Variants in CNTNAP2 observed in about 807,000 individuals in gnomAD.
The protein encoded by CNTNAP2 is contactin-associated protein-like 2.
In CNTNAP2, 98 loss-of-function variants were observed where a neutral mutation model predicts 155.2. That is an observed-to-expected ratio of 0.63 (90% confidence interval 0.54 to 0.75). The LOEUF is 0.75. Ranked by LOEUF, CNTNAP2 falls within the 30% of genes least tolerant of loss-of-function variation. The pLI is 0.00. For missense variants in CNTNAP2, 1,727 were observed against 1,688.1 expected (o/e 1.02, Z -0.40); for synonymous variants, 651 against 631.2 (o/e 1.03, Z -0.47).
At chr7:146,177,849 A>C (rs1026359138) in intron 1 of CNTNAP2, among the ~76,000 whole-genome samples, 6 of 151,984 alleles carry the variant, frequency 3.9e-5, no homozygotes, top group African/African-American at 1.5e-4. Context: ...CTACATAGAG[A>C]GTTCTTATTG....
intron 10 of CNTNAP2, among the ~76,000 whole-genome samples, chr7:147,399,766 T>A (rs1242182573): frequency 6.6e-6 from 1 of 152,172 alleles, no homozygotes; most frequent in Non-Finnish European, 1.5e-5. Context: ...CAGAATCCCT[T>A]TTGTTTAACT....
chr7:146,354,561 C>T (rs1363494148), intron 1 of CNTNAP2, among the ~76,000 whole-genome samples: 1 of 151,910 alleles, frequency 6.6e-6, no homozygotes. Context: ...ATTACAGGCA[C>T]CTGCCACCAC....
At chr7:146,641,952 G>A (rs921853394) in intron 1 of CNTNAP2, among the ~76,000 whole-genome samples, 3 of 152,082 alleles carry the variant, frequency 2.0e-5, no homozygotes, top group South Asian at 2.1e-4. Flanking sequence ...TTTAAAATTA[G>A]CACTAGTTTG....
chr7:146,172,228 G>T (rs1278209664), intron 1 of CNTNAP2, among the ~76,000 whole-genome samples: 1 of 151,884 alleles, frequency 6.6e-6, no homozygotes, highest in Non-Finnish European at 1.5e-5. Flanking sequence ...GCTGGGATAG[G>T]ATGCCTCCCA....
intron 14 of CNTNAP2, among the ~76,000 whole-genome samples, chr7:147,943,021 A>T (rs1454656001): frequency 6.6e-6 from 1 of 151,766 alleles, no homozygotes; most frequent in African/African-American, 2.4e-5. Flanking sequence ...TGGGCGACAA[A>T]GCGAGACTCC....
chr7:146,836,895 CT>C lies in CNTNAP2; in HGVS notation c.209-2807del, dbSNP rs202139954. 7.3e-4 allele frequency among the ~76,000 whole-genome samples: 110 copies of C among 150,822 alleles called. No individual in the cohort carries two copies. In the Middle Eastern group the frequency reaches 0.017, roughly 23 times the overall value. On this transcript the variant is annotated intron_variant, in intron 2 of 23. Transcript: ENST00000361727. ...TGGACATAGAATTTCAGGTTGCCAG[CT>C]TTTTTTTTATCTTTCCTTTTCATCA...
chr7:147,872,051 G>A (rs115369676), intron 13 of CNTNAP2, among the ~76,000 whole-genome samples: 1 of 152,186 alleles, frequency 6.6e-6, no homozygotes, highest in Non-Finnish European at 1.5e-5. Flanking sequence ...GCCAGAAAGA[G>A]AATCTACTCC....
intron 1 of CNTNAP2, among the ~76,000 whole-genome samples, chr7:146,545,444 A>G (rs571553578): frequency 6.6e-6 from 1 of 151,922 alleles, no homozygotes; most frequent in South Asian, 2.1e-4. Context: ...TGCACCCATC[A>G]ACCCATCATC....
chr7:148,398,722 T>C (rs1799519802), intron 22 of CNTNAP2, among the ~76,000 whole-genome samples: 1 of 152,190 alleles, frequency 6.6e-6, no homozygotes, highest in Non-Finnish European at 1.5e-5. Flanking sequence ...CCATACATCA[T>C]GGAAGTCCAA....
chr7:146,686,531 C>A (rs1800603897), intron 1 of CNTNAP2, among the ~76,000 whole-genome samples: 1 of 152,116 alleles, frequency 6.6e-6, no homozygotes, highest in African/African-American at 2.4e-5. Context: ...CTCCTAGGGA[C>A]TGTATTCTAC....
chr7:146,161,779 AACCAAAACAGCATGGTACTGGT>A (rs1798226425), intron 1 of CNTNAP2, among the ~76,000 whole-genome samples: 1 of 152,208 alleles, frequency 6.6e-6, no homozygotes, highest in African/African-American at 2.4e-5. Flanking sequence ...AGGCTACAGT[AACCAAAACAGCATGGTACTGGT>A]ACCAAAACAG....
chr7:146,478,668 C>T (rs1231441275), intron 1 of CNTNAP2, among the ~76,000 whole-genome samples: 1 of 151,816 alleles, frequency 6.6e-6, no homozygotes, highest in African/African-American at 2.4e-5. Context: ...CCCCTCCCCT[C>T]TTCCCCTCTA....
intron 3 of CNTNAP2, among the ~76,000 whole-genome samples, chr7:146,855,135 A>G (rs896315558): frequency 3.3e-5 from 5 of 152,180 alleles, no homozygotes; most frequent in African/African-American, 1.2e-4. Flanking sequence ...CTATGGGGAT[A>G]CTATATCTCA....
chr7:147,971,460 A>G (rs1585054809), intron 14 of CNTNAP2, among the ~76,000 whole-genome samples: 1 of 149,118 alleles, frequency 6.7e-6, no homozygotes, highest in Non-Finnish European at 1.5e-5. Context: ...GTTACCATGA[A>G]TTTCTGTTTC....
At chr7:146,333,289 G>A (rs1801216422) in intron 1 of CNTNAP2, among the ~76,000 whole-genome samples, 1 of 152,058 alleles carries the variant, frequency 6.6e-6, no homozygotes, top group Admixed American at 6.6e-5. Context: ...ACCTGAAACT[G>A]CTTTAAGAGT....
intron 13 of CNTNAP2, among the ~76,000 whole-genome samples, chr7:147,893,791 C>A (rs1473953300): frequency 1.3e-5 from 2 of 152,146 alleles, no homozygotes; most frequent in African/African-American, 4.8e-5. Context: ...CTACCATGGC[C>A]CAGATCTTGG....
chr7:148,227,188 G>T (rs1367929264), intron 19 of CNTNAP2, among the ~76,000 whole-genome samples: 3 of 152,018 alleles, frequency 2.0e-5, no homozygotes, highest in Non-Finnish European at 4.4e-5. Flanking sequence ...GTGTTCCCGG[G>T]AGGTGAATGA....
At chr7:146,579,502 A>G (rs1337960414) in intron 1 of CNTNAP2, among the ~76,000 whole-genome samples, 1 of 152,088 alleles carries the variant, frequency 6.6e-6, no homozygotes, top group African/African-American at 2.4e-5. Context: ...TATGGTCAAT[A>G]GTGTTTGCAA....
intron 10 of CNTNAP2, among the ~76,000 whole-genome samples, chr7:147,412,584 G>A (rs1004500570): frequency 1.3e-5 from 2 of 152,098 alleles, no homozygotes; most frequent in African/African-American, 4.8e-5. Context: ...CTGTGTCTCT[G>A]TGCCTAACAC....
Sources: allele counts gnomAD v4.1 joint callset (sites outside exome capture counted in the v4.1 genomes callset), GRCh38; gene constraint gnomAD v4.1.1; transcripts MANE v1.5; gene names NCBI Gene and HGNC (gene_info 2026-07-23, HGNC 2026-07-21).